Variants in PRKCE observed in about 807,000 individuals in gnomAD.
PRKCE encodes the protein protein kinase C epsilon type.
Under a neutral mutation model 85.4 loss-of-function variants are expected in PRKCE, and 16 were observed. The observed-to-expected ratio is 0.19, with a 90% CI of 0.13 to 0.28. PRKCE has a LOEUF of 0.28. PRKCE is among the 10% of genes least tolerant of loss of function. The pLI is 1.00. For missense variants in PRKCE, 573 were observed against 975.2 expected, an observed-to-expected ratio of 0.59 and a Z score of 5.49; for synonymous variants, 388 against 371.5, an observed-to-expected ratio of 1.04 and a Z score of -0.51.
At chr2:45,851,972 C>T (rs1016156740) in intron 2 of PRKCE, 1 of 152,334 alleles carries the variant, frequency 6.6e-6, no homozygotes, top group African/African-American at 2.4e-5. Flanking sequence ...AAGACCCCCT[C>T]AGAGCAGTAA....
chr2:45,788,580 A>G (rs934792706), intron 1 of PRKCE, among the ~76,000 whole-genome samples: 1 of 152,132 alleles, frequency 6.6e-6, no homozygotes, highest in Non-Finnish European at 1.5e-5. Flanking sequence ...ATTGCCTCTA[A>G]TTTACTTGAT....
intron 10 of PRKCE, among the ~76,000 whole-genome samples, chr2:46,051,818 G>A (rs760236270): frequency 1.3e-5 from 2 of 152,286 alleles, no homozygotes; most frequent in East Asian, 1.9e-4. Context: ...AAAGTTCCAC[G>A]CGGCTGGGGA....
At chr2:45,856,006 A>G (rs888694511) in intron 2 of PRKCE, among the ~76,000 whole-genome samples, 5 of 152,080 alleles carry the variant, frequency 3.3e-5, no homozygotes, top group Admixed American at 6.5e-5. Context: ...CCCTTCCCTC[A>G]ACAAACAAAA....
chr2:46,017,139 A>G (rs1706235078), intron 10 of PRKCE, among the ~76,000 whole-genome samples: 2 of 151,768 alleles, frequency 1.3e-5, no homozygotes, highest in Admixed American at 1.3e-4. Context: ...ATGTCCATCC[A>G]TCACCCCTCT....
intron 2 of PRKCE, among the ~76,000 whole-genome samples, chr2:45,917,259 CG>C (rs1697868232): frequency 6.6e-6 from 1 of 152,084 alleles, no homozygotes; most frequent in African/African-American, 2.4e-5. Flanking sequence ...TCCAAGTCGC[CG>C]CCAGAGTAGC....
intron 2 of PRKCE, among the ~76,000 whole-genome samples, chr2:45,915,954 T>G (rs932331682): frequency 7.9e-5 from 12 of 152,114 alleles, no homozygotes; most frequent in African/African-American, 2.4e-4. Flanking sequence ...AGCATCTACA[T>G]CCCCTCAACA....
Position 46,159,858 on chromosome 2 carries a change from T to C in PRKCE, c.2067+106T>C, listed in dbSNP as rs1677582911. 1 of 1,431,240 alleles carries C rather than the reference T, an allele frequency of 7.0e-7. No homozygotes were observed. The allele number at this position is 1,431,240 out of a possible 1,614,324, so 88.7% of individuals were successfully genotyped here. A position where few individuals can be genotyped will look rare whatever the true frequency, so the allele number is the denominator to read the frequency against. ...GTTGGTCAGGGGATGCGTATTACAG[T>C]AAAAATGACAAAGACCAGAGGTGGC... On this transcript the variant is annotated intron_variant, in intron 14 of 14. Transcript: ENST00000306156. This position sits in a 1 kb window ranked among gnomAD's most constrained non-coding sequence, Gnocchi z 4.1.
chr2:45,733,243 G>A lies in PRKCE; in HGVS notation c.348+80795G>A, dbSNP rs1484190680. On this transcript the variant is annotated intron_variant, in intron 1 of 14. Coordinates refer to ENST00000306156, the MANE Select transcript of PRKCE (RefSeq NM_005400.3). ...ACTTGCTTCCCACCTTTCCCCTGGT[G>A]GCTGGCCCTGTCCTGGTACACAGTA... Among the ~76,000 whole-genome samples the A allele has an allele frequency of 2.6e-5, 4 of 152,162 alleles. No homozygotes were observed. The East Asian group carries it at 7.7e-4, about 29-fold the overall frequency.
chr2:46,017,865 A>G (rs1219650915), intron 10 of PRKCE, among the ~76,000 whole-genome samples: 2 of 152,192 alleles, frequency 1.3e-5, no homozygotes, highest in East Asian at 1.9e-4. Flanking sequence ...TTTGTTTGCA[A>G]CAGAACCCAG....
At chr2:46,131,506 T>C (rs1460706592) in intron 11 of PRKCE, among the ~76,000 whole-genome samples, 1 of 152,116 alleles carries the variant, frequency 6.6e-6, no homozygotes, top group Non-Finnish European at 1.5e-5. Context: ...AGTAAAGAAA[T>C]GTCCAGAGTA....
At chr2:45,736,096 G>T (rs1205954670) in intron 1 of PRKCE, among the ~76,000 whole-genome samples, 1 of 152,088 alleles carries the variant, frequency 6.6e-6, no homozygotes, top group Non-Finnish European at 1.5e-5. Flanking sequence ...GAGTACCTGG[G>T]ATTACAGGTG....
intron 11 of PRKCE, among the ~76,000 whole-genome samples, chr2:46,101,835 GGT>G (rs1671258798): frequency 1.5e-5 from 2 of 137,546 alleles, no homozygotes; most frequent in African/African-American, 5.5e-5. Flanking sequence ...GTGTTTTGGT[GGT>G]GTATGCTGAT....
At chr2:45,735,994 A>C (rs1682026004) in intron 1 of PRKCE, among the ~76,000 whole-genome samples, 1 of 152,040 alleles carries the variant, frequency 6.6e-6, no homozygotes, top group Non-Finnish European at 1.5e-5. Flanking sequence ...AGAGAGTCTC[A>C]CCGTCACCCA....
chr2:46,014,738 T>C (rs1202221417), intron 10 of PRKCE, among the ~76,000 whole-genome samples: 3 of 152,128 alleles, frequency 2.0e-5, no homozygotes, highest in African/African-American at 7.2e-5. Context: ...TACTGCCTAG[T>C]AGAGAGATAG....
At chr2:46,084,732 A>G (rs1669422828) in intron 10 of PRKCE, among the ~76,000 whole-genome samples, 1 of 151,476 alleles carries the variant, frequency 6.6e-6, no homozygotes. Flanking sequence ...AAAAAAAAAA[A>G]AAAAAAAAGA....
intron 1 of PRKCE, among the ~76,000 whole-genome samples, chr2:45,668,053 T>A (rs901851311): frequency 6.6e-6 from 1 of 152,214 alleles, no homozygotes; most frequent in African/African-American, 2.4e-5. Flanking sequence ...GAAAAGTTCT[T>A]GTCACGGCTG....
At chr2:45,679,569 C>T in intron 1 of PRKCE, among the ~76,000 whole-genome samples, 1 of 152,144 alleles carries the variant, frequency 6.6e-6, no homozygotes, top group East Asian at 1.9e-4. Flanking sequence ...AGGTCAAGCT[C>T]ATGGGTGTAC....
chr2:46,181,400 G>A (rs1267099431), intron 14 of PRKCE, among the ~76,000 whole-genome samples: 2 of 152,176 alleles, frequency 1.3e-5, no homozygotes, highest in African/African-American at 2.4e-5. Context: ...TGTATAAGGA[G>A]ATGGGTGAGC....
intron 2 of PRKCE, among the ~76,000 whole-genome samples, chr2:45,943,059 C>T (rs1314096279): frequency 6.6e-6 from 1 of 152,112 alleles, no homozygotes; most frequent in African/African-American, 2.4e-5. Context: ...ACTTTTATGG[C>T]ATTTTGTAAA....
Sources: allele counts gnomAD v4.1 joint callset (sites outside exome capture counted in the v4.1 genomes callset), GRCh38; gene constraint gnomAD v4.1.1; non-coding constraint Gnocchi (gnomAD v3.1); transcripts MANE v1.5; gene names NCBI Gene and HGNC (gene_info 2026-07-23, HGNC 2026-07-21).